LONRF1: variants seen among roughly 807,000 people sequenced by gnomAD.
LONRF1 encodes the protein LON peptidase N-terminal domain and ring finger 1.
Under a neutral mutation model 85.8 loss-of-function variants are expected in LONRF1, and 37 were observed. The ratio of observed to expected loss-of-function variants is 0.43; its 90% CI spans 0.33 to 0.57. LONRF1 has a LOEUF of 0.57. LONRF1 is among the 20% of genes least tolerant of loss of function. The pLI, the probability that LONRF1 is intolerant of heterozygous loss-of-function variation, is 0.04. For missense variants in LONRF1, 1,036 were observed against 978.0 expected, an observed-to-expected ratio of 1.06 and a Z score of -0.79; for synonymous variants, 517 against 390.1, an observed-to-expected ratio of 1.33 and a Z score of -3.83.
chr8:12,728,872 G>C, intron 10 of LONRF1, 29 bp downstream of exon 10: 1 of 1,612,838 alleles, frequency 6.2e-7, no homozygotes, highest in Non-Finnish European at 8.5e-7. Context: ...ATATACGAAA[G>C]TATGCTGGCA....
rs937954239 is a variant in LONRF1, at chr8:12,722,612, A to G, written c.*484T>C. 1.3e-5 allele frequency: 2 copies of G among 154,584 alleles called. No homozygotes were observed. The highest frequency in any genetic ancestry group is 4.8e-5 in the African/African-American group (2 of 41,472). 9.6% of individuals were successfully genotyped at this position (154,584 alleles called of 1,614,324 possible). On this transcript the variant is annotated 3_prime_UTR_variant, in exon 12 of 12. Coordinates refer to ENST00000398246, the MANE Select transcript of LONRF1 (RefSeq NM_152271.5). Reference sequence around the variant, plus strand: ...CAAATATAAGCATTAGGACAGATATATCTGAGGCAAATTCAATTTGCAAAA... The same window carrying G: ...CAAATATAAGCATTAGGACAGATATGTCTGAGGCAAATTCAATTTGCAAAA...
intron 1 of LONRF1, among the ~76,000 whole-genome samples, chr8:12,750,889 C>G (rs1305191144): frequency 6.6e-6 from 1 of 152,192 alleles, no homozygotes; most frequent in Non-Finnish European, 1.5e-5. Context: ...TAACACACTT[C>G]TACATTTTAA....
At chr8:12,724,024 C>T (rs751177930) in intron 11 of LONRF1, among the ~76,000 whole-genome samples, 19 of 152,128 alleles carry the variant, frequency 1.2e-4, no homozygotes, top group Non-Finnish European at 2.4e-4. Flanking sequence ...TATAAAGCTT[C>T]AGAATGACAA....
rs777380112 is a variant in LONRF1, at chr8:12,729,211, T to G, written c.1810A>C (p.Lys604Gln). The change falls in exon 9 of 12, where the codon AAA (lysine) becomes CAA (glutamine). Residue 604 changes from lysine (K) to glutamine (Q), a missense_variant. By Grantham distance (53) the Lys-to-Gln change is moderately conservative. Transcript: ENST00000398246. ...TCACTGACACACATGCCAAACTGTTTGGTTCCAGTCTGTATACTTCTTCGA... is the reference window on the plus strand; with the variant it reads ...TCACTGACACACATGCCAAACTGTTGGGTTCCAGTCTGTATACTTCTTCGA... The part of the protein sequence containing the change: ...MIRRSIQTGT[K>Q]QFGMCVSDTQ... 2 of 1,614,020 alleles carry G rather than the reference T, an allele frequency of 1.2e-6. No homozygotes were observed.
rs1474420772 is a variant in LONRF1 at position 12,736,693 on chromosome 8, A to C, written c.1451+8T>G. On this transcript the variant is annotated splice_region_variant and intron_variant, in intron 6 of 11. Coordinates refer to ENST00000398246, the MANE Select transcript of LONRF1 (RefSeq NM_152271.5). ...ATATTCATCTTCTATAAAGTTTTATATGCTTACCTCATGCAGAGAGAACAC... is the reference window on the plus strand; with the variant it reads ...ATATTCATCTTCTATAAAGTTTTATCTGCTTACCTCATGCAGAGAGAACAC... 1 of 1,575,972 alleles carries C rather than the reference A, an allele frequency of 6.3e-7. No homozygotes were observed. Among genetic ancestry groups the C allele is most frequent in the Admixed American group, 1.8e-5 (1 of 56,612 alleles).
At chr8:12,734,936 T>C (rs1307038094) in intron 7 of LONRF1, among the ~76,000 whole-genome samples, 1 of 152,146 alleles carries the variant, frequency 6.6e-6, no homozygotes, top group Non-Finnish European at 1.5e-5. Context: ...TCCTCACATC[T>C]GGCTTATTAT....
At chr8:12,724,645 G>A (rs1390998609) in intron 11 of LONRF1, among the ~76,000 whole-genome samples, 1 of 152,190 alleles carries the variant, frequency 6.6e-6, no homozygotes, top group African/African-American at 2.4e-5. Flanking sequence ...GATAATAAAA[G>A]GCAAGGGTGG....
At chr8:12,743,106 G>C in intron 2 of LONRF1, 58 bp downstream of exon 2, 1 of 1,042,618 alleles carries the variant, frequency 9.6e-7, no homozygotes, top group Non-Finnish European at 1.5e-6. Flanking sequence ...GTGAATGAAT[G>C]CATGTCCCTT....
intron 7 of LONRF1, among the ~76,000 whole-genome samples, chr8:12,733,880 C>T (rs530352588): frequency 1.3e-5 from 2 of 152,138 alleles, no homozygotes; most frequent in South Asian, 2.1e-4. Flanking sequence ...AATTATATTA[C>T]GCAGGGTATC....
intron 1 of LONRF1, among the ~76,000 whole-genome samples, chr8:12,747,918 GTTCT>G (rs1290388644): frequency 1.3e-5 from 2 of 152,022 alleles, no homozygotes; most frequent in Non-Finnish European, 2.9e-5. Context: ...ATACATTTTT[GTTCT>G]TTATGTGTAA....
At chr8:12,742,335 C>A (rs1028770044) in intron 2 of LONRF1, among the ~76,000 whole-genome samples, 1 of 152,198 alleles carries the variant, frequency 6.6e-6, no homozygotes, top group Admixed American at 6.5e-5. Context: ...TTAAAGAACA[C>A]ATTTGGACTA....
intron 1 of LONRF1, among the ~76,000 whole-genome samples, chr8:12,752,338 G>C (rs1190432616): frequency 6.6e-6 from 1 of 152,188 alleles, no homozygotes; most frequent in Non-Finnish European, 1.5e-5. Flanking sequence ...TAAATTGTGA[G>C]ACACTTATAA....
chr8:12,741,108 G>A, intron 2 of LONRF1, 112 bp from the exon 3 acceptor site: 1 of 1,152,806 alleles, frequency 8.7e-7, no homozygotes, highest in Non-Finnish European at 1.2e-6. Context: ...TCTGGGCCGG[G>A]TGCAGTAGCT....
At chr8:12,728,859 A>G in intron 10 of LONRF1, 42 bp downstream of exon 10, 1 of 1,610,088 alleles carries the variant, frequency 6.2e-7, no homozygotes, top group African/African-American at 1.3e-5. Context: ...TCCCTGGAAC[A>G]GGATATACGA....
At chr8:12,745,498 G>A (rs531005003) in intron 1 of LONRF1, among the ~76,000 whole-genome samples, 11 of 152,192 alleles carry the variant, frequency 7.2e-5, no homozygotes, top group African/African-American at 2.4e-4. Flanking sequence ...TTTCAAGAAA[G>A]ACAACAAAAT....
At chr8:12,731,278 AAC>A (rs1457764818) in intron 8 of LONRF1, among the ~76,000 whole-genome samples, 2 of 152,014 alleles carry the variant, frequency 1.3e-5, no homozygotes, top group Non-Finnish European at 2.9e-5. Context: ...TTTGGCCCTG[AAC>A]ACCCCTCTTC....
chr8:12,732,805 T>C (rs1357210750), intron 7 of LONRF1, among the ~76,000 whole-genome samples: 2 of 152,268 alleles, frequency 1.3e-5, no homozygotes, highest in African/African-American at 4.8e-5. Context: ...AGGGACATGG[T>C]CAGGGTGTAT....
intron 8 of LONRF1, among the ~76,000 whole-genome samples, chr8:12,730,432 A>G (rs1798484395): frequency 6.6e-6 from 1 of 152,160 alleles, no homozygotes; most frequent in African/African-American, 2.4e-5. Flanking sequence ...CAAAATGACC[A>G]TCAATTACTT....
intron 1 of LONRF1, among the ~76,000 whole-genome samples, chr8:12,748,890 G>C (rs1485637054): frequency 6.6e-6 from 1 of 151,136 alleles, no homozygotes; most frequent in Non-Finnish European, 1.5e-5. Flanking sequence ...GCTGCCAAGT[G>C]ATAAGCTGTT....
Sources: gnomAD v4.1 joint callset for allele counts (sites outside exome capture counted in the v4.1 genomes callset) on GRCh38, gnomAD v4.1.1 for gene constraint, MANE v1.5 for transcripts, NCBI Gene and HGNC (gene_info 2026-07-23, HGNC 2026-07-21) for gene names.